CELF1: variants seen among roughly 807,000 people sequenced by gnomAD.
The protein encoded by CELF1 is CUGBP Elav-like family member 1, also known as 50 kDa nuclear polyadenylated RNA-binding protein.
A neutral mutation model predicts 61.8 loss-of-function variants in CELF1; 10 were observed. That is an observed-to-expected ratio of 0.16 (90% CI 0.10 to 0.27). CELF1 has a LOEUF of 0.27. CELF1 is among the 10% of genes least tolerant of loss of function. The probability of loss-of-function intolerance (pLI) is 1.00; values close to 1 mark genes in which losing one functional copy is unlikely to be tolerated. For synonymous variants in CELF1, 236 were observed against 225.1 expected (o/e 1.05, Z -0.43); for missense variants, 380 against 639.1 (o/e 0.59, Z 4.37).
chr11:47,542,169 A>G (rs1447263064), intron 1 of CELF1, among the ~76,000 whole-genome samples: 3 of 152,194 alleles, frequency 2.0e-5, no homozygotes, highest in Non-Finnish European at 2.9e-5. Context: ...CAGGAGTTCG[A>G]GACCAGCCTA....
At chr11:47,541,877 T>C (rs988497554) in intron 1 of CELF1, among the ~76,000 whole-genome samples, 1 of 150,456 alleles carries the variant, frequency 6.6e-6, no homozygotes, top group South Asian at 2.1e-4. Context: ...AGTATAACAG[T>C]ACAAAATTAC....
At chr11:47,560,783 C>A (rs1166399320) in intron 2 of CELF1, among the ~76,000 whole-genome samples, 2 of 152,084 alleles carry the variant, frequency 1.3e-5, no homozygotes, top group African/African-American at 4.8e-5. Context: ...GGGGGGTGGG[C>A]ATAATGGACT....
At chr11:47,511,437 G>A (rs911799963) in intron 1 of CELF1, among the ~76,000 whole-genome samples, 2 of 151,788 alleles carry the variant, frequency 1.3e-5, no homozygotes, top group African/African-American at 4.8e-5. Flanking sequence ...GACATAAATG[G>A]TTTTTTGAAC....
At chr11:47,508,362 C>T (rs377186743) in intron 1 of CELF1, among the ~76,000 whole-genome samples, 1 of 152,094 alleles carries the variant, frequency 6.6e-6, no homozygotes, top group Non-Finnish European at 1.5e-5. Flanking sequence ...ATCACTTCCA[C>T]CCTCTGAGAC....
At chr11:47,545,482 C>T (rs767608427) in intron 1 of CELF1, among the ~76,000 whole-genome samples, 4 of 151,826 alleles carry the variant, frequency 2.6e-5, no homozygotes, top group Non-Finnish European at 4.4e-5. Flanking sequence ...GTCTCCAATA[C>T]TCATTATTAA....
intron 1 of CELF1, among the ~76,000 whole-genome samples, chr11:47,541,709 AGAAAGAAAGAAAGAAAGAACG>A (rs2096786057): frequency 4.6e-5 from 1 of 21,780 alleles, no homozygotes; most frequent in African/African-American, 1.8e-4. Context: ...AAAGAAAGAA[AGAAAGAAAGAAAGAAAGAACG>A]AAAGAAAGAA....
chr11:47,558,624 TATATA>T (rs1236908456), intron 2 of CELF1, among the ~76,000 whole-genome samples: 4 of 112,248 alleles, frequency 3.6e-5, no homozygotes, highest in Non-Finnish European at 5.1e-5. Flanking sequence ...TGCAATATAA[TATATA>T]ATATAATGTG....
intron 9 of CELF1, among the ~76,000 whole-genome samples, chr11:47,480,871 A>T (rs1361361771): frequency 1.3e-5 from 2 of 152,054 alleles, no homozygotes; most frequent in African/African-American, 4.8e-5. Flanking sequence ...CCCTGTCTCT[A>T]CTAAAACTAC....
intron 12 of CELF1, among the ~76,000 whole-genome samples, chr11:47,476,334 C>T (rs2080120708): frequency 6.6e-6 from 1 of 152,150 alleles, no homozygotes; most frequent in Admixed American, 6.5e-5. Flanking sequence ...CTATTATTCC[C>T]ACTTCAAAGA....
chr11:47,493,338 T>TA (rs2092295174), intron 3 of CELF1, among the ~76,000 whole-genome samples: 6 of 21,624 alleles, frequency 2.8e-4, no homozygotes, highest in Non-Finnish European at 5.2e-4. Context: ...CCGTCCCTAC[T>TA]TAAAAAAAAA....
At position 47,532,855 on chromosome 11, in the gene CELF1, C is replaced by T. The variant is rs147707536; in HGVS notation, c.-154+20137G>A. 2.0e-4 allele frequency among the ~76,000 whole-genome samples: 31 copies of T among 152,264 alleles called. No homozygotes were observed. The East Asian group carries it at 5.2e-3, about 26-fold the overall frequency. On this transcript the variant is annotated intron_variant, in intron 1 of 14. Coordinates refer to ENST00000687097, the MANE Select transcript of CELF1 (RefSeq NM_001376376.1). ...GCAGCTTTTTAAAGCTTCTAATTAA[C>T]GGAACACAGAAATTAAAACCTTTAA... is the stretch of plus-strand genomic sequence containing the variant.
intron 1 of CELF1, among the ~76,000 whole-genome samples, chr11:47,551,128 GAAA>G (rs1384978542): frequency 6.6e-6 from 1 of 151,860 alleles, no homozygotes; most frequent in Non-Finnish European, 1.5e-5. Flanking sequence ...AGGGGTTCTA[GAAA>G]AGATATTCCA....
chr11:47,550,169 A>C (rs2097100792), intron 1 of CELF1, among the ~76,000 whole-genome samples: 1 of 152,120 alleles, frequency 6.6e-6, no homozygotes, highest in South Asian at 2.1e-4. Context: ...AGTGGCTCAC[A>C]TCTGTAATCC....
intron 1 of CELF1, among the ~76,000 whole-genome samples, chr11:47,512,731 T>A (rs1258147207): frequency 1.3e-5 from 2 of 152,216 alleles, no homozygotes; most frequent in Non-Finnish European, 2.9e-5. Context: ...TTTGGTCAGC[T>A]TGCAATGCCC....
chr11:47,553,797 GAA>G (rs1210075332), upstream of CELF1, among the ~76,000 whole-genome samples: 482 of 140,500 alleles, frequency 3.4e-3, 6 homozygotes, highest in South Asian at 0.016. Context: ...TGCTTTTACC[GAA>G]AAAAAAATAT....
intron 1 of CELF1, among the ~76,000 whole-genome samples, chr11:47,533,245 G>A (rs1429463519): frequency 6.6e-6 from 1 of 152,166 alleles, no homozygotes; most frequent in African/African-American, 2.4e-5. Context: ...CCAGCAATTT[G>A]GGAAGCTGAG....
chr11:47,495,915 T>C (rs1333704495), intron 3 of CELF1: 3 of 905,254 alleles, frequency 3.3e-6, no homozygotes, highest in Non-Finnish European at 4.0e-6. Context: ...CCTTTAATTA[T>C]ACAAAAAGAA....
At chr11:47,513,436 T>C (rs1466240479) in intron 1 of CELF1, among the ~76,000 whole-genome samples, 1 of 151,906 alleles carries the variant, frequency 6.6e-6, no homozygotes, top group Non-Finnish European at 1.5e-5. Flanking sequence ...GCAGGTACTG[T>C]AAAAGCAACA....
chr11:47,550,022 G>A (rs551751460), intron 1 of CELF1, among the ~76,000 whole-genome samples: 1 of 151,676 alleles, frequency 6.6e-6, no homozygotes, highest in Non-Finnish European at 1.5e-5. Context: ...TGACCATATT[G>A]GCCAGGCTGG....
Sources: allele counts gnomAD v4.1 joint callset (sites outside exome capture counted in the v4.1 genomes callset), GRCh38; gene constraint gnomAD v4.1.1; transcripts MANE v1.5; gene names NCBI Gene and HGNC (gene_info 2026-07-23, HGNC 2026-07-21).